Variants in SNX29 observed in about 807,000 individuals in gnomAD.
SNX29 encodes sorting nexin-29.
Under a neutral mutation model 102.1 loss-of-function variants are expected in SNX29, and 78 were observed. The observed-to-expected ratio is 0.76, with a 90% CI of 0.64 to 0.92. The LOEUF (loss-of-function observed/expected upper bound fraction) is 0.92, where lower values mean the gene tolerates loss of function less well. Ranked by LOEUF, SNX29 falls within the 40% of genes least tolerant of loss-of-function variation. The probability of loss-of-function intolerance (pLI) is 0.00; values close to 1 mark genes in which losing one functional copy is unlikely to be tolerated. For missense variants in SNX29, 1,280 were observed against 1,061.7 expected (o/e 1.21, Z -2.86); for synonymous variants, 580 against 414.5 (o/e 1.40, Z -4.85).
intron 13 of SNX29, among the ~76,000 whole-genome samples, chr16:12,131,380 C>T (rs984956807): frequency 4.6e-5 from 7 of 152,222 alleles, no homozygotes; most frequent in Non-Finnish European, 1.0e-4. Flanking sequence ...TGAATTTGTT[C>T]ATATACTAAC....
intron 13 of SNX29, among the ~76,000 whole-genome samples, chr16:12,170,927 C>T (rs559554454): frequency 7.2e-5 from 11 of 151,982 alleles, no homozygotes; most frequent in Middle Eastern, 6.8e-3. Context: ...GAGAGAGAGC[C>T]GTAGGATTTA....
chr16:12,444,067 A>C (rs60309401), intron 18 of SNX29, among the ~76,000 whole-genome samples: 1 of 113,098 alleles, frequency 8.8e-6, no homozygotes, highest in Non-Finnish European at 1.8e-5. Flanking sequence ...ACTCAGTATA[A>C]GACCTAGCAC....
chr16:12,437,905 C>T (rs1230558075), intron 18 of SNX29, among the ~76,000 whole-genome samples: 1 of 152,148 alleles, frequency 6.6e-6, no homozygotes, highest in East Asian at 1.9e-4. Context: ...GGGCTTGCTG[C>T]AGCTGCCCAC....
chr16:11,977,356 C>T (rs3851005), intron 1 of SNX29: 51,410 of 152,932 alleles, frequency 0.34, 9,127 homozygotes, highest in East Asian at 0.64. Flanking sequence ...ACCCGTTTGT[C>T]TTCCCCATCC....
intron 19 of SNX29, among the ~76,000 whole-genome samples, chr16:12,507,512 T>C (rs2089430764): frequency 6.6e-6 from 1 of 152,214 alleles, no homozygotes; most frequent in Admixed American, 6.5e-5. Context: ...TTTGGATGCT[T>C]GTGGTTGATG....
intron 15 of SNX29, among the ~76,000 whole-genome samples, chr16:12,332,846 G>A (rs1016226698): frequency 1.3e-5 from 2 of 151,994 alleles, no homozygotes; most frequent in South Asian, 2.1e-4. Context: ...GCTGTTGCCC[G>A]CCTGCTTCGT....
chr16:12,515,068 C>G (rs1234434300), intron 19 of SNX29, among the ~76,000 whole-genome samples: 1 of 152,110 alleles, frequency 6.6e-6, no homozygotes, highest in Non-Finnish European at 1.5e-5. Context: ...CTAGTGACGG[C>G]TCCTCCTGCT....
chr16:12,562,477 C>A (rs547508801), intron 20 of SNX29, among the ~76,000 whole-genome samples: 2 of 152,174 alleles, frequency 1.3e-5, no homozygotes, highest in East Asian at 3.8e-4. Flanking sequence ...GCTAGGAACT[C>A]GAGTCCTAGA....
chr16:12,266,608 A>G (rs2078935563), intron 14 of SNX29, among the ~76,000 whole-genome samples: 1 of 150,426 alleles, frequency 6.6e-6, no homozygotes, highest in Admixed American at 6.7e-5. Context: ...TCACTGTGAT[A>G]GAGCCAAAAT....
chr16:12,515,667 C>T, intron 19 of SNX29: 2 of 480,818 alleles, frequency 4.2e-6, no homozygotes, highest in Non-Finnish European at 8.3e-6. Context: ...TCTGTGCCAG[C>T]ACTCTTTATG....
chr16:12,400,053 C>G (rs1231443788), intron 17 of SNX29, among the ~76,000 whole-genome samples: 1 of 152,180 alleles, frequency 6.6e-6, no homozygotes, highest in Non-Finnish European at 1.5e-5. Context: ...GGTCCCTGCC[C>G]TCAAGTGGTC....
chr16:12,122,369 A>C (rs1359301737), intron 11 of SNX29, among the ~76,000 whole-genome samples: 1 of 152,068 alleles, frequency 6.6e-6, no homozygotes, highest in African/African-American at 2.4e-5. Context: ...GGTGGGTGGG[A>C]CTGGAGGCCT....
intron 18 of SNX29, among the ~76,000 whole-genome samples, chr16:12,459,160 C>T (rs991132176): frequency 1.4e-5 from 2 of 147,458 alleles, no homozygotes; most frequent in African/African-American, 2.5e-5. Flanking sequence ...TCCACTTCCC[C>T]TCCTCCCCTA....
intron 18 of SNX29, among the ~76,000 whole-genome samples, chr16:12,453,910 T>C (rs1041054000): frequency 6.6e-6 from 1 of 152,200 alleles, no homozygotes; most frequent in Non-Finnish European, 1.5e-5. Context: ...TATAGGAGTG[T>C]GGCAGACACT....
intron 18 of SNX29, among the ~76,000 whole-genome samples, chr16:12,470,525 C>G (rs2087286723): frequency 6.6e-6 from 1 of 152,114 alleles, no homozygotes; most frequent in Non-Finnish European, 1.5e-5. Context: ...GAGAGGTGCA[C>G]CGAGCTTGTT....
intron 19 of SNX29, among the ~76,000 whole-genome samples, chr16:12,503,262 A>G (rs919478552): frequency 1.2e-4 from 18 of 152,166 alleles, no homozygotes; most frequent in Admixed American, 6.5e-5. Flanking sequence ...CAGGTGCTGG[A>G]TAAATAATTA....
At chr16:12,008,730 A>C (rs2056541951) in intron 3 of SNX29, among the ~76,000 whole-genome samples, 1 of 140,620 alleles carries the variant, frequency 7.1e-6, no homozygotes, top group Non-Finnish European at 1.6e-5. Context: ...AATTGTATTT[A>C]GTTTTTTTTT....
intron 15 of SNX29, among the ~76,000 whole-genome samples, chr16:12,314,619 TA>T (rs2080672089): frequency 6.6e-6 from 1 of 152,260 alleles, no homozygotes; most frequent in Non-Finnish European, 1.5e-5. Context: ...GTCTTTATTT[TA>T]AAAACTTAAA....
chr16:12,106,498 C>G (rs1307057622), intron 11 of SNX29, among the ~76,000 whole-genome samples: 3 of 151,980 alleles, frequency 2.0e-5, no homozygotes, highest in African/African-American at 7.2e-5. Flanking sequence ...CTTTTTCAGA[C>G]AGGGCCTTGC....
Sources: allele counts gnomAD v4.1 joint callset (sites outside exome capture counted in the v4.1 genomes callset), GRCh38; gene constraint gnomAD v4.1.1; transcripts MANE v1.5; gene names NCBI Gene and HGNC (gene_info 2026-07-23, HGNC 2026-07-21).